Variants in SNTG1 observed in about 807,000 individuals in gnomAD.
SNTG1 encodes the protein syntrophin gamma 1.
SNTG1 carries 39 observed loss-of-function variants against 74.7 expected under a neutral mutation model. The ratio of observed to expected loss-of-function variants is 0.52; its 90% CI spans 0.40 to 0.68. The LOEUF (loss-of-function observed/expected upper bound fraction) is 0.68, where lower values mean the gene tolerates loss of function less well. Among genes scored for constraint, SNTG1 ranks in the 30% least tolerant of loss-of-function variants. SNTG1 has a pLI of 0.00. For synonymous variants in SNTG1, 254 were observed against 217.1 expected, an observed-to-expected ratio of 1.17 and a Z score of -1.49; for missense variants, 685 against 609.5, an observed-to-expected ratio of 1.12 and a Z score of -1.30.
intron 8 of SNTG1, among the ~76,000 whole-genome samples, chr8:50,486,028 A>G (rs2093790180): frequency 6.6e-6 from 1 of 152,162 alleles, no homozygotes; most frequent in South Asian, 2.1e-4. Flanking sequence ...CCATTGATCT[A>G]TATCTCTGTT....
At chr8:50,283,793 T>C (rs2088609388) in intron 2 of SNTG1, among the ~76,000 whole-genome samples, 2 of 152,182 alleles carry the variant, frequency 1.3e-5, no homozygotes, top group African/African-American at 4.8e-5. Context: ...TATGATACTC[T>C]GGGATCACAC....
At chr8:49,978,282 AAG>A (rs1812372129) in intron 1 of SNTG1, among the ~76,000 whole-genome samples, 1 of 151,960 alleles carries the variant, frequency 6.6e-6, no homozygotes. Context: ...AGACAGAAGA[AAG>A]GGGGAAGAGG....
chr8:50,098,852 A>G (rs770331827), intron 1 of SNTG1, among the ~76,000 whole-genome samples: 1 of 152,166 alleles, frequency 6.6e-6, no homozygotes, highest in African/African-American at 2.4e-5. Flanking sequence ...ACATAAGTGC[A>G]CTTTCATTGG....
chr8:49,986,955 C>T (rs1430493978), intron 1 of SNTG1, among the ~76,000 whole-genome samples: 2 of 152,102 alleles, frequency 1.3e-5, no homozygotes, highest in Non-Finnish European at 1.5e-5. Context: ...GTAATAGATG[C>T]TGAGATTAAA....
At chr8:50,725,579 A>G (rs1026492161) in intron 17 of SNTG1, among the ~76,000 whole-genome samples, 1 of 152,172 alleles carries the variant, frequency 6.6e-6, no homozygotes, top group Non-Finnish European at 1.5e-5. Context: ...TTTCCTGTCC[A>G]TATTTTAAGT....
chr8:50,615,457 G>C (rs2094879531), intron 13 of SNTG1, among the ~76,000 whole-genome samples: 1 of 152,106 alleles, frequency 6.6e-6, no homozygotes, highest in Non-Finnish European at 1.5e-5. Flanking sequence ...TTTCTATAAA[G>C]ACCTTGAAAA....
At chr8:50,368,272 G>A (rs758540126) in intron 2 of SNTG1, among the ~76,000 whole-genome samples, 6 of 152,110 alleles carry the variant, frequency 3.9e-5, no homozygotes, top group African/African-American at 9.7e-5. Flanking sequence ...GAGAAAAATA[G>A]CACTTATAAG....
intron 1 of SNTG1, among the ~76,000 whole-genome samples, chr8:50,098,512 A>T (rs1452594782): frequency 6.6e-6 from 1 of 152,182 alleles, no homozygotes; most frequent in Non-Finnish European, 1.5e-5. Context: ...GAGGATGTGC[A>T]TAGGTTAAAC....
intron 1 of SNTG1, among the ~76,000 whole-genome samples, chr8:49,951,894 A>AAAAAAAAAAAAAAAAAAAAAAAAAAAAAC: frequency 6.8e-6 from 1 of 146,860 alleles, no homozygotes; most frequent in Non-Finnish European, 1.5e-5. Flanking sequence ...AAAAAAAAAA[A>AAAAAAAAAAAAAAAAAAAAAAAAAAAAAC]AAAAAAAAAA....
At chr8:50,197,302 A>T (rs1398489166) in intron 2 of SNTG1, among the ~76,000 whole-genome samples, 1 of 152,210 alleles carries the variant, frequency 6.6e-6, no homozygotes, top group Non-Finnish European at 1.5e-5. Context: ...AGATATATAC[A>T]TTCAAATACA....
intron 2 of SNTG1, among the ~76,000 whole-genome samples, chr8:50,173,783 T>C (rs904762688): frequency 2.6e-5 from 4 of 152,228 alleles, no homozygotes; most frequent in African/African-American, 9.6e-5. Flanking sequence ...TCACCCAATC[T>C]GATCCTTAAA....
chr8:50,564,491 G>A (rs1483957416), intron 12 of SNTG1, among the ~76,000 whole-genome samples: 1 of 152,022 alleles, frequency 6.6e-6, no homozygotes. Flanking sequence ...TTAAACTCAT[G>A]TATGGGCCAG....
At chr8:50,239,239 T>C (rs2086059164) in intron 2 of SNTG1, among the ~76,000 whole-genome samples, 1 of 152,182 alleles carries the variant, frequency 6.6e-6, no homozygotes, top group Non-Finnish European at 1.5e-5. Flanking sequence ...GGAATCAACC[T>C]AGATGCCCAT....
chr8:50,192,381 A>G (rs957007607), intron 2 of SNTG1, among the ~76,000 whole-genome samples: 3 of 152,014 alleles, frequency 2.0e-5, no homozygotes, highest in African/African-American at 7.2e-5. Context: ...TTGTTACACC[A>G]TCATGTAACA....
At chr8:50,289,466 A>G (rs752591381) in intron 2 of SNTG1, among the ~76,000 whole-genome samples, 55 of 152,284 alleles carry the variant, frequency 3.6e-4, no homozygotes, top group Non-Finnish European at 3.1e-4. Context: ...TCTTGCTTAT[A>G]CCTTAGTTAT....
intron 2 of SNTG1, among the ~76,000 whole-genome samples, chr8:50,245,282 G>A (rs2086345299): frequency 6.6e-6 from 1 of 152,126 alleles, no homozygotes; most frequent in African/African-American, 2.4e-5. Context: ...TCCTTGATTT[G>A]AGACAGATCA....
chr8:50,624,769 G>GT (rs1258909049), intron 13 of SNTG1, among the ~76,000 whole-genome samples: 2 of 152,114 alleles, frequency 1.3e-5, no homozygotes, highest in African/African-American at 4.8e-5. Context: ...TTGTAGGTTA[G>GT]TTTTTTCTAT....
intron 15 of SNTG1, among the ~76,000 whole-genome samples, chr8:50,695,456 G>A (rs1478215425): frequency 2.7e-5 from 4 of 150,138 alleles, no homozygotes; most frequent in East Asian, 3.9e-4. Flanking sequence ...GGAATTATGA[G>A]TGACTTTTAA....
chr8:50,694,275 G>T (rs934396815), intron 15 of SNTG1, among the ~76,000 whole-genome samples: 19 of 151,278 alleles, frequency 1.3e-4, no homozygotes, highest in African/African-American at 4.4e-4. Context: ...TGATACCACA[G>T]AAATACAAAG....
Sources: allele counts gnomAD v4.1 joint callset (sites outside exome capture counted in the v4.1 genomes callset), GRCh38; gene constraint gnomAD v4.1.1; transcripts MANE v1.5; gene names NCBI Gene and HGNC (gene_info 2026-07-23, HGNC 2026-07-21).